RYR2: variants seen among roughly 807,000 people sequenced by gnomAD.
The protein encoded by RYR2 is ryanodine receptor 2, also known as cardiac muscle ryanodine receptor-calcium release channel.
In RYR2, 227 loss-of-function variants were observed where a neutral mutation model predicts 601.1. That is an observed-to-expected ratio of 0.38 (90% confidence interval 0.34 to 0.42). The LOEUF is 0.42. Among genes scored for constraint, RYR2 ranks in the 10% least tolerant of loss-of-function variants. The pLI is 1.00. For missense variants in RYR2, 4,646 were observed against 6,156.5 expected (o/e 0.75, Z 8.21); for synonymous variants, 2,223 against 2,175.1 (o/e 1.02, Z -0.61).
intron 24 of RYR2, among the ~76,000 whole-genome samples, chr1:237,523,060 C>T (rs1455149485): frequency 6.6e-6 from 1 of 152,094 alleles, no homozygotes; most frequent in Non-Finnish European, 1.5e-5. Flanking sequence ...GATACAGAAA[C>T]CAAACACTTC....
At chr1:237,773,013 T>C (rs1395724006) in intron 86 of RYR2, among the ~76,000 whole-genome samples, 2 of 152,206 alleles carry the variant, frequency 1.3e-5, no homozygotes, top group African/African-American at 4.8e-5. Context: ...CAATTGTTAG[T>C]ATTTACAAAT....
At chr1:237,615,327 G>A (rs918195471) in intron 37 of RYR2, among the ~76,000 whole-genome samples, 2 of 152,088 alleles carry the variant, frequency 1.3e-5, no homozygotes, top group Non-Finnish European at 2.9e-5. Context: ...CAGCAGCTGG[G>A]ACTGTAGGTA....
chr1:237,623,965 A>G, intron 39 of RYR2, 95 bp downstream of exon 39: 1 of 772,688 alleles, frequency 1.3e-6, no homozygotes, highest in Non-Finnish European at 2.2e-6. Flanking sequence ...TATTTTCACG[A>G]ATACACACGA....
intron 7 of RYR2, among the ~76,000 whole-genome samples, chr1:237,375,640 C>A (rs1700967517): frequency 6.6e-6 from 1 of 152,084 alleles, no homozygotes; most frequent in Admixed American, 6.5e-5. Context: ...TTTTAATAGA[C>A]CAATGCATCG....
At chr1:237,615,560 C>G (rs890297614) in intron 37 of RYR2, among the ~76,000 whole-genome samples, 2 of 152,032 alleles carry the variant, frequency 1.3e-5, no homozygotes, top group African/African-American at 4.8e-5. Flanking sequence ...TCTAAAGGGT[C>G]CTTTATTAAT....
At chr1:237,172,292 A>C (rs1163744826) in intron 1 of RYR2, among the ~76,000 whole-genome samples, 1 of 152,204 alleles carries the variant, frequency 6.6e-6, no homozygotes, top group Middle Eastern at 3.2e-3. Context: ...GCTTGGATCC[A>C]GACAGACAAG....
In RYR2 at chr1:237,799,361, A is replaced by ATAGTT. The variant is rs376060029; in HGVS notation, c.14090+1193_14090+1197dup. On this transcript the variant is annotated intron_variant, in intron 97 of 104. Transcript: ENST00000366574. ...TCCTTAACAAGCAATATAGAATTAAATAGTTTTACTGAGTTATGCATTTTC... is the reference window on the plus strand; with the variant it reads ...TCCTTAACAAGCAATATAGAATTAAATAGTTTAGTTTTACTGAGTTATGCATTTTC... Among the ~76,000 whole-genome samples, 119 of 152,306 alleles carry ATAGTT rather than the reference A, an allele frequency of 7.8e-4. No homozygotes were observed. In the South Asian group the frequency reaches 0.013, roughly 16 times the overall value.
intron 1 of RYR2, among the ~76,000 whole-genome samples, chr1:237,269,683 C>T (rs1689487621): frequency 1.3e-5 from 2 of 152,150 alleles, no homozygotes; most frequent in African/African-American, 4.8e-5. Flanking sequence ...GGTGCTTTAT[C>T]GGATTTACTT....
intron 19 of RYR2, among the ~76,000 whole-genome samples, chr1:237,495,211 C>G (rs1373603452): frequency 1.3e-5 from 2 of 152,094 alleles, no homozygotes; most frequent in South Asian, 4.1e-4. Context: ...TAGATGTTTA[C>G]CAGTCCATTT....
chr1:237,538,228 A>G (rs1014982087), intron 25 of RYR2, among the ~76,000 whole-genome samples: 6 of 150,832 alleles, frequency 4.0e-5, no homozygotes, highest in African/African-American at 1.5e-4. Flanking sequence ...CGTCTCTACT[A>G]AAAATAAAAA....
intron 1 of RYR2, among the ~76,000 whole-genome samples, chr1:237,066,191 A>G (rs562353339): frequency 2.6e-5 from 4 of 152,348 alleles, no homozygotes; most frequent in Admixed American, 1.3e-4. Context: ...GCCATTTACA[A>G]AATGTCTTGC....
intron 1 of RYR2, among the ~76,000 whole-genome samples, chr1:237,054,018 A>C (rs995205635): frequency 2.0e-5 from 3 of 152,220 alleles, no homozygotes; most frequent in Admixed American, 6.5e-5. Context: ...CAATCCATTT[A>C]GTCTATAAAG....
At chr1:237,402,427 T>C in intron 10 of RYR2, among the ~76,000 whole-genome samples, 1 of 151,762 alleles carries the variant, frequency 6.6e-6, no homozygotes, top group Non-Finnish European at 1.5e-5. Flanking sequence ...TGTATGATTA[T>C]TATGTTCTAA....
At chr1:237,812,778 C>T (rs1033535523) in intron 100 of RYR2, among the ~76,000 whole-genome samples, 3 of 152,152 alleles carry the variant, frequency 2.0e-5, no homozygotes, top group African/African-American at 7.2e-5. Context: ...GGAGCCTCCT[C>T]CCTGACTGCC....
chr1:237,437,864 AATAAGATAATGCTT>A (rs1366360499), intron 12 of RYR2, among the ~76,000 whole-genome samples: 5 of 152,216 alleles, frequency 3.3e-5, no homozygotes, highest in South Asian at 4.1e-4. Flanking sequence ...GGTTTTAATG[AATAAGATAATGCTT>A]ATAAGATAAT....
At position 237,331,671 on chromosome 1, in the gene RYR2, ATT is replaced by A. The variant is rs34015889; in HGVS notation, c.273+704_273+705del. Among the ~76,000 whole-genome samples, 819 of 134,816 alleles carry A rather than the reference ATT, an allele frequency of 6.1e-3. 6 individuals are homozygous for A. The highest frequency in any genetic ancestry group is 0.014 in the African/African-American group (516 of 35,986). The allele number at this position is 134,816 out of a possible 152,430, so 88.4% of individuals were successfully genotyped here. ...GCTCCTGCCACCACCACACCTGGCT[ATT>A]TTTTTTTTTTTTTTCTATTTTTAGT... On this transcript the variant is annotated intron_variant, in intron 3 of 104. Transcript: ENST00000366574.
intron 79 of RYR2, among the ~76,000 whole-genome samples, chr1:237,734,714 T>C (rs1690988244): frequency 6.6e-6 from 1 of 152,228 alleles, no homozygotes; most frequent in African/African-American, 2.4e-5. Context: ...TACCATGTAC[T>C]GAGATGGCTG....
intron 1 of RYR2, among the ~76,000 whole-genome samples, chr1:237,258,535 C>T (rs1572386875): frequency 6.6e-6 from 1 of 152,104 alleles, no homozygotes. Context: ...AAAATGTGAT[C>T]ATTATTGGTG....
In RYR2 at chr1:237,631,441, A is replaced by G. The variant is rs752288991; in HGVS notation, c.6455A>G (p.Asn2152Ser). Residue 2152 changes from asparagine to serine, a missense_variant, in exon 42 of 105, where the codon AAC becomes AGC. Around this residue, in one of 17 missense-constraint regions of RYR2, gnomAD observed 137 missense variants for 273.6 expected, o/e 0.50. Transcript: ENST00000366574. ...MIRGLGDIMN[N>S]KVFYQHPNLM... ...GTCCTTTCTAGGGATATTATGAATA[A>G]CAAAGTGTTTTACCAGCACCCTAAT... is the stretch of plus-strand genomic sequence containing the variant. 3 of 1,612,504 alleles carry G rather than the reference A, an allele frequency of 1.9e-6. No homozygotes were observed. The highest frequency in any genetic ancestry group is 2.5e-6 in the Non-Finnish European group (3 of 1,178,888).
Sources: allele counts gnomAD v4.1 joint callset (sites outside exome capture counted in the v4.1 genomes callset), GRCh38; gene constraint gnomAD v4.1.1; regional missense constraint gnomAD v4.1.1; transcripts MANE v1.5; gene names NCBI Gene and HGNC (gene_info 2026-07-23, HGNC 2026-07-21).